The following KPNA4 variants were observed in gnomAD, a reference collection of about 807,000 sequenced individuals.
The protein encoded by KPNA4 is karyopherin subunit alpha 4.
Under a neutral mutation model 71.3 loss-of-function variants are expected in KPNA4, and 13 were observed. That is an observed-to-expected ratio of 0.18 (90% CI 0.12 to 0.29). KPNA4 has a LOEUF of 0.29. KPNA4 is among the 10% of genes least tolerant of loss of function. KPNA4 has a pLI of 1.00. For missense variants in KPNA4, 334 were observed against 603.2 expected, an observed-to-expected ratio of 0.55 and a Z score of 4.67; for synonymous variants, 189 against 195.2, an observed-to-expected ratio of 0.97 and a Z score of 0.26.
chr3:160,547,873 T>C (rs1721955503), intron 1 of KPNA4, among the ~76,000 whole-genome samples: 1 of 152,228 alleles, frequency 6.6e-6, no homozygotes, highest in Non-Finnish European at 1.5e-5. Flanking sequence ...ATTCTCCATG[T>C]CTTTTCATGG....
At chr3:160,535,402 G>A (rs1721668294) in intron 5 of KPNA4, 111 bp downstream of exon 5, 1 of 657,698 alleles carries the variant, frequency 1.5e-6, no homozygotes, top group African/African-American at 1.8e-5. Context: ...ATTTACTATT[G>A]TTTGTCATCA....
intron 10 of KPNA4, among the ~76,000 whole-genome samples, chr3:160,525,590 G>A (rs41272961): frequency 0.012 from 1,898 of 152,008 alleles, 17 homozygotes; most frequent in Non-Finnish European, 0.019. Flanking sequence ...TTTCTTAACT[G>A]GTATTATATT....
At chr3:160,547,018 T>C (rs1418563223) in intron 1 of KPNA4, among the ~76,000 whole-genome samples, 2 of 152,202 alleles carry the variant, frequency 1.3e-5, no homozygotes, top group Admixed American at 6.5e-5. Context: ...ACTAAATCTG[T>C]GTAAACTGAC....
intron 1 of KPNA4, 36 bp from the exon 2 acceptor site, chr3:160,536,876 A>G (rs1721703863): frequency 1.6e-6 from 2 of 1,253,404 alleles, no homozygotes; most frequent in Non-Finnish European, 2.3e-6. Flanking sequence ...TTTTAAAATC[A>G]CCTCAAATTC....
chr3:160,557,195 A>C (rs1452154352), intron 1 of KPNA4, among the ~76,000 whole-genome samples: 2 of 152,212 alleles, frequency 1.3e-5, no homozygotes, highest in African/African-American at 2.4e-5. Context: ...GTAACAGCTT[A>C]AAGTGGCTAA....
intron 1 of KPNA4, among the ~76,000 whole-genome samples, chr3:160,537,235 G>A (rs1051581674): frequency 6.7e-6 from 1 of 148,734 alleles, no homozygotes; most frequent in East Asian, 2.0e-4. Flanking sequence ...AAAAAAAAGC[G>A]AAAAAAAGCC....
Position 160,500,154 on chromosome 3 carries a change from C to A in KPNA4, c.*1950G>T, listed in dbSNP as rs1266510681. The A allele has an allele frequency of 6.6e-6, 1 of 152,250 alleles. No homozygotes were observed. The highest frequency in any genetic ancestry group is 2.4e-5 in the African/African-American group (1 of 41,386). 9.4% of individuals were successfully genotyped at this position (152,250 alleles called of 1,614,324 possible). On this transcript the variant is annotated 3_prime_UTR_variant, in exon 17 of 17. Transcript: ENST00000334256. ...AAAAAAAAAATCCACACACCACACA[C>A]ACACACCCCATGTAAAACATTGCTT... is the stretch of plus-strand genomic sequence containing the variant.
intron 2 of KPNA4, 21 bp from the exon 3 acceptor site, chr3:160,535,918 A>AC (rs1721681998): frequency 1.8e-6 from 2 of 1,103,652 alleles, no homozygotes; most frequent in East Asian, 6.3e-5. Flanking sequence ...AAAAAAAAAA[A>AC]AAAAAAACCA....
chr3:160,507,288 CAGG>C (rs1445364063), intron 15 of KPNA4, among the ~76,000 whole-genome samples: 4 of 152,074 alleles, frequency 2.6e-5, no homozygotes, highest in Non-Finnish European at 5.9e-5. Context: ...CACCTGAGGT[CAGG>C]AGTTCAACAG....
At chr3:160,545,003 A>C (rs1721877166) in intron 1 of KPNA4, among the ~76,000 whole-genome samples, 1 of 152,202 alleles carries the variant, frequency 6.6e-6, no homozygotes, top group Non-Finnish European at 1.5e-5. Context: ...GGAGAAAGGA[A>C]CTATGGCCCA....
chr3:160,522,475 T>G (rs1026315095), intron 10 of KPNA4, among the ~76,000 whole-genome samples: 1 of 152,148 alleles, frequency 6.6e-6, no homozygotes, highest in Non-Finnish European at 1.5e-5. Context: ...TTTTTTTTTT[T>G]GAGACGGAGT....
Position 160,500,675 on chromosome 3 carries a change from G to C in KPNA4, c.*1429C>G, listed in dbSNP as rs1303864854. 6.6e-6 allele frequency: 1 copy of C among 152,546 alleles called. No homozygotes were observed. Among genetic ancestry groups the C allele is most frequent in the East Asian group, 1.9e-4 (1 of 5,190 alleles). 9.4% of individuals were successfully genotyped at this position (152,546 alleles called of 1,614,324 possible). A position where few individuals can be genotyped will look rare whatever the true frequency, so the allele number is the denominator to read the frequency against. On this transcript the variant is annotated 3_prime_UTR_variant, in exon 17 of 17. Transcript: ENST00000334256. ...TTTCTCCCTAAAGTGGCTCAAAATA[G>C]ATTGTTCATGGCTGCCTACATCTAA...
intron 10 of KPNA4, among the ~76,000 whole-genome samples, chr3:160,523,124 T>G (rs1384007203): frequency 6.6e-6 from 1 of 152,176 alleles, no homozygotes; most frequent in Non-Finnish European, 1.5e-5. Context: ...CCAAAGCCTT[T>G]CCAGAATATG....
intron 15 of KPNA4, 100 bp downstream of exon 15, chr3:160,508,007 T>C: frequency 1.1e-6 from 1 of 906,462 alleles, no homozygotes; most frequent in Non-Finnish European, 1.7e-6. Flanking sequence ...TACTTGAATA[T>C]CTAAGACAGA....
chr3:160,559,041 GAAA>G (rs1189171361), intron 1 of KPNA4, among the ~76,000 whole-genome samples: 2 of 152,084 alleles, frequency 1.3e-5, no homozygotes, highest in African/African-American at 4.8e-5. Context: ...CTGTCTCAAG[GAAA>G]AAGTACTTGT....
chr3:160,530,134 CAAAAAAAAAA>C (rs746257397), intron 7 of KPNA4, among the ~76,000 whole-genome samples: 2 of 38,530 alleles, frequency 5.2e-5, no homozygotes, highest in Non-Finnish European at 1.2e-4. Context: ...GACTCCATCT[CAAAAAAAAAA>C]AAAAAAAAAA....
chr3:160,549,353 G>C (rs1230459157), intron 1 of KPNA4, among the ~76,000 whole-genome samples: 3 of 152,136 alleles, frequency 2.0e-5, no homozygotes, highest in South Asian at 2.1e-4. Context: ...CAAGAAATCA[G>C]TGCCAAGACC....
chr3:160,523,563 G>A (rs898777877), intron 10 of KPNA4, among the ~76,000 whole-genome samples: 3 of 151,484 alleles, frequency 2.0e-5, no homozygotes, highest in South Asian at 2.1e-4. Context: ...ATGAGAGTTC[G>A]CACAGGCTGG....
At chr3:160,519,772 G>A (rs1383439246) in intron 11 of KPNA4, among the ~76,000 whole-genome samples, 4 of 142,612 alleles carry the variant, frequency 2.8e-5, no homozygotes, top group Non-Finnish European at 4.5e-5. Flanking sequence ...TCCGCAGTCC[G>A]GCCTGGGCGA....
Sources: gnomAD v4.1 joint callset for allele counts (sites outside exome capture counted in the v4.1 genomes callset) on GRCh38, gnomAD v4.1.1 for gene constraint, MANE v1.5 for transcripts, NCBI Gene and HGNC (gene_info 2026-07-23, HGNC 2026-07-21) for gene names.